GNG7: variants seen among roughly 807,000 people sequenced by gnomAD.
GNG7 encodes the protein guanine nucleotide-binding protein G(I)/G(S)/G(O) subunit gamma-7.
In GNG7, 1 loss-of-function variant was observed where a neutral mutation model predicts 4.0. The observed-to-expected ratio is 0.25, with a 90% CI of 0.09 to 1.18. The LOEUF is 1.18. Ranked by LOEUF, GNG7 falls within the 50% of genes most tolerant of loss-of-function variation. The pLI, the probability that GNG7 is intolerant of heterozygous loss-of-function variation, is 0.50. For missense variants in GNG7, 86 were observed against 91.9 expected, an observed-to-expected ratio of 0.94 and a Z score of 0.26; for synonymous variants, 34 against 36.9, an observed-to-expected ratio of 0.92 and a Z score of 0.29.
chr19:2,584,231 T>G (rs1441304261), intron 2 of GNG7, among the ~76,000 whole-genome samples: 1 of 142,436 alleles, frequency 7.0e-6, no homozygotes, highest in Admixed American at 7.4e-5. Flanking sequence ...TGGTTTAAGG[T>G]CAGGAGCTCA....
chr19:2,520,046 T>G (rs1446415209), intron 4 of GNG7, among the ~76,000 whole-genome samples: 1 of 152,118 alleles, frequency 6.6e-6, no homozygotes, highest in Non-Finnish European at 1.5e-5. Context: ...CCAGGCATGG[T>G]GGTGCATGCC....
At chr19:2,525,757 C>T (rs1253000077) in intron 3 of GNG7, among the ~76,000 whole-genome samples, 1 of 151,936 alleles carries the variant, frequency 6.6e-6, no homozygotes, top group South Asian at 2.1e-4. Context: ...TATAGAAAGG[C>T]GTTTATAATT....
At chr19:2,554,541 T>C (rs1022539693) in intron 3 of GNG7, among the ~76,000 whole-genome samples, 3 of 129,784 alleles carry the variant, frequency 2.3e-5, no homozygotes, top group African/African-American at 8.8e-5. Context: ...AAAATATATA[T>C]GCTATATATA....
chr19:2,569,307 G>A (rs1420519362), intron 2 of GNG7, among the ~76,000 whole-genome samples: 3 of 151,750 alleles, frequency 2.0e-5, no homozygotes, highest in Admixed American at 6.6e-5. Context: ...ACAGAGTCTC[G>A]CTCTGTCGCC....
At position 2,538,524 on chromosome 19, in the gene GNG7, G is replaced by A. The variant is rs78340974; in HGVS notation, c.-38+16625C>T. The A allele has an allele frequency of 0.015, 5,133 of 344,468 alleles. 319 individuals are homozygous for A. The East Asian group carries it at 0.18, about 12-fold the overall frequency. The allele number at this position is 344,468 out of a possible 1,614,324, so 21.3% of individuals were successfully genotyped here. Reference sequence around the variant, plus strand: ...TGCACACCTGTAGTTCCAGCTACCCGGGAGGCTGAGGCAGGAAGACTGCTT... The same window carrying A: ...TGCACACCTGTAGTTCCAGCTACCCAGGAGGCTGAGGCAGGAAGACTGCTT... On this transcript the variant is annotated intron_variant, in intron 3 of 4. Coordinates refer to ENST00000382159, the MANE Select transcript of GNG7 (RefSeq NM_052847.3).
At chr19:2,598,300 G>T (rs907177503) in intron 2 of GNG7, among the ~76,000 whole-genome samples, 2 of 152,150 alleles carry the variant, frequency 1.3e-5, no homozygotes, top group African/African-American at 4.8e-5. Flanking sequence ...AAGGTGGGCG[G>T]ATCACCTGAG....
intron 2 of GNG7, among the ~76,000 whole-genome samples, chr19:2,563,412 C>A (rs1979807482): frequency 6.6e-6 from 1 of 152,176 alleles, no homozygotes; most frequent in African/African-American, 2.4e-5. Flanking sequence ...TCGTGACTAC[C>A]AGAAATGTCC....
At chr19:2,627,106 C>T (rs985699366) in intron 2 of GNG7, among the ~76,000 whole-genome samples, 1 of 152,202 alleles carries the variant, frequency 6.6e-6, no homozygotes, top group East Asian at 1.9e-4. Flanking sequence ...CTGGGACCTC[C>T]GCAGGGCAGA....
chr19:2,566,585 A>G (rs1599394552), intron 2 of GNG7, among the ~76,000 whole-genome samples: 1 of 151,934 alleles, frequency 6.6e-6, no homozygotes, highest in Admixed American at 6.6e-5. Flanking sequence ...GTCGGGGGAC[A>G]CCTCCTTCCC....
chr19:2,588,446 T>G (rs1980740890), intron 2 of GNG7, among the ~76,000 whole-genome samples: 1 of 152,238 alleles, frequency 6.6e-6, no homozygotes, highest in South Asian at 2.1e-4. Flanking sequence ...TTTGTTTTTC[T>G]TTTAAAAGTC....
At chr19:2,531,347 A>G (rs1322919612) in intron 3 of GNG7, among the ~76,000 whole-genome samples, 1 of 148,506 alleles carries the variant, frequency 6.7e-6, no homozygotes, top group Non-Finnish European at 1.5e-5. Flanking sequence ...GATCAAGAGG[A>G]AGCAGACAGG....
chr19:2,647,540 AC>A (rs1982697725), intron 1 of GNG7, among the ~76,000 whole-genome samples: 1 of 151,898 alleles, frequency 6.6e-6, no homozygotes, highest in African/African-American at 2.4e-5. Context: ...CTACAAAATG[AC>A]CCCATCTTGA....
chr19:2,610,042 A>G (rs1450760240), intron 2 of GNG7: 1 of 152,138 alleles, frequency 6.6e-6, no homozygotes, highest in Non-Finnish European at 1.5e-5. Flanking sequence ...AGAGGTTAGT[A>G]TCACCGGGTC....
intron 2 of GNG7, among the ~76,000 whole-genome samples, chr19:2,612,574 T>G (rs889250141): frequency 3.5e-4 from 53 of 152,172 alleles, no homozygotes; most frequent in African/African-American, 1.3e-3. Context: ...CTGGAAATGT[T>G]TTAAAATCCA....
At chr19:2,538,608 G>A (rs770463402) in intron 3 of GNG7, 45 of 413,086 alleles carry the variant, frequency 1.1e-4, no homozygotes, top group Admixed American at 3.0e-4. Context: ...TCCAGCCTGG[G>A]CAACAGAGCA....
chr19:2,524,170 G>A (rs1978326396), intron 3 of GNG7, among the ~76,000 whole-genome samples: 1 of 151,462 alleles, frequency 6.6e-6, no homozygotes, highest in African/African-American at 2.5e-5. Flanking sequence ...CCAGACCCTG[G>A]GCCCCTGCTG....
In GNG7 at chr19:2,633,801, C is replaced by A. The variant is rs1180151938; in HGVS notation, c.-78+12423G>T. On this transcript the variant is annotated intron_variant, in intron 2 of 4. Coordinates refer to ENST00000382159, the MANE Select transcript of GNG7 (RefSeq NM_052847.3). The surrounding 1 kb of genome is among the most constrained non-coding windows in gnomAD (Gnocchi z 5.9). ...GGAGGCAGGTTCTTCTGCACCGGGC[C>A]TTCTCCCCCCGGCACTGTGGGCATT... 1.3e-5 allele frequency among the ~76,000 whole-genome samples: 2 copies of A among 152,138 alleles called. No individual in the cohort carries two copies. The highest frequency in any genetic ancestry group is 2.4e-5 in the African/African-American group (1 of 41,422).
intron 3 of GNG7, among the ~76,000 whole-genome samples, chr19:2,553,339 C>T (rs73516702): frequency 0.22 from 33,096 of 148,310 alleles, 3,780 homozygotes; most frequent in East Asian, 0.24. Flanking sequence ...GTTTCAGGTT[C>T]AGCTCACATC....
chr19:2,677,530 G>A (rs7257444), intron 1 of GNG7, among the ~76,000 whole-genome samples: 2 of 151,738 alleles, frequency 1.3e-5, no homozygotes, highest in Non-Finnish European at 2.9e-5. Context: ...GCTCCCTGTT[G>A]ACACCAGACA....
Sources: allele counts gnomAD v4.1 joint callset (sites outside exome capture counted in the v4.1 genomes callset), GRCh38; gene constraint gnomAD v4.1.1; non-coding constraint Gnocchi (gnomAD v3.1); transcripts MANE v1.5; gene names NCBI Gene and HGNC (gene_info 2026-07-23, HGNC 2026-07-21).